GRIK2: variants seen among roughly 807,000 people sequenced by gnomAD.
GRIK2 encodes glutamate receptor ionotropic, kainate 2.
A neutral mutation model predicts 100.3 loss-of-function variants in GRIK2; 32 were observed. The observed-to-expected ratio is 0.32, with a 90% CI of 0.24 to 0.43. The LOEUF (loss-of-function observed/expected upper bound fraction) is 0.43. GRIK2 is among the 20% of genes least tolerant of loss of function. The pLI, the probability that GRIK2 is intolerant of heterozygous loss-of-function variation, is 1.00. For missense variants in GRIK2, 843 were observed against 1,114.9 expected, an observed-to-expected ratio of 0.76 and a Z score of 3.47; for synonymous variants, 417 against 389.4, an observed-to-expected ratio of 1.07 and a Z score of -0.83.
At chr6:101,605,659 C>T (rs1779408752) in intron 2 of GRIK2, among the ~76,000 whole-genome samples, 1 of 152,002 alleles carries the variant, frequency 6.6e-6, no homozygotes, top group South Asian at 2.1e-4. Context: ...GCCTAGGTGA[C>T]AAGAGTAAAA....
rs917724001 is a variant in GRIK2 at position 101,399,115 on chromosome 6, G to C, written c.-163G>C. 3.5e-6 allele frequency: 2 copies of C among 565,416 alleles called. No individual in the cohort carries two copies. Among genetic ancestry groups the C allele is most frequent in the African/African-American group, 1.9e-5 (1 of 53,048 alleles). 35.0% of individuals were successfully genotyped at this position (565,416 alleles called of 1,614,324 possible). ...GCGCAGTGAGTGAAGAACATGCAGC[G>C]ATTGCTAATGGGTTTGGGAAGCGGA... On this transcript the variant is annotated 5_prime_UTR_variant, in exon 2 of 17. Transcript: ENST00000369134.
intron 14 of GRIK2, among the ~76,000 whole-genome samples, chr6:101,966,119 T>C (rs1328305044): frequency 6.6e-6 from 1 of 152,142 alleles, no homozygotes; most frequent in Non-Finnish European, 1.5e-5. Context: ...GTATTCTTTG[T>C]CTACCGTCAT....
At chr6:101,970,700 G>C (rs1792992311) in intron 14 of GRIK2, among the ~76,000 whole-genome samples, 1 of 144,246 alleles carries the variant, frequency 6.9e-6, no homozygotes, top group Non-Finnish European at 1.5e-5. Flanking sequence ...ATTTACAGAT[G>C]TGAACATCTG....
intron 14 of GRIK2, among the ~76,000 whole-genome samples, chr6:101,957,898 T>C (rs1052830852): frequency 6.6e-6 from 1 of 152,092 alleles, no homozygotes; most frequent in Non-Finnish European, 1.5e-5. Context: ...TGTCTCTATT[T>C]ATACCAGCAC....
chr6:101,527,710 A>G (rs1156555593), intron 2 of GRIK2, among the ~76,000 whole-genome samples: 2 of 152,126 alleles, frequency 1.3e-5, no homozygotes, highest in African/African-American at 4.8e-5. Context: ...TGGTCATCTT[A>G]AGAGCTTGTT....
At chr6:101,501,315 C>T (rs150066799) in intron 2 of GRIK2, among the ~76,000 whole-genome samples, 256 of 152,182 alleles carry the variant, frequency 1.7e-3, no homozygotes, top group Admixed American at 3.8e-3. Context: ...AGGACTGAAA[C>T]CAGTTTCATT....
chr6:101,883,726 C>T (rs545736352), intron 11 of GRIK2, among the ~76,000 whole-genome samples: 16 of 152,050 alleles, frequency 1.1e-4, no homozygotes, highest in South Asian at 2.1e-4. Context: ...TATAAAGGGA[C>T]GAGCTTTCCA....
intron 2 of GRIK2, among the ~76,000 whole-genome samples, chr6:101,549,587 AT>A (rs550557307): frequency 2.0e-5 from 3 of 152,038 alleles, no homozygotes; most frequent in East Asian, 1.9e-4. Flanking sequence ...TAATGCAGCA[AT>A]TTTTTTCTTT....
chr6:101,652,419 C>T (rs1427168303), intron 4 of GRIK2, among the ~76,000 whole-genome samples: 1 of 152,108 alleles, frequency 6.6e-6, no homozygotes, highest in East Asian at 1.9e-4. Context: ...TGACTTCAAA[C>T]TTTCAGCCTC....
Position 101,850,417 on chromosome 6 carries a change from T to G in GRIK2, c.1318-8870T>G, listed in dbSNP as rs1784067585. Among the ~76,000 whole-genome samples, 6 of 151,966 alleles carry G rather than the reference T, an allele frequency of 3.9e-5. No individual in the cohort carries two copies. The South Asian group carries it at 1.2e-3, about 31-fold the overall frequency. ...AGGGGATATTTTATACATATCACAT[T>G]AAAATTAATTTACATTTTAATGTCC... On this transcript the variant is annotated intron_variant, in intron 10 of 16. Coordinates refer to ENST00000369134, the MANE Select transcript of GRIK2 (RefSeq NM_021956.5).
rs1328494811 is a variant in GRIK2, at chr6:102,068,731, A to T, written c.*220A>T. On this transcript the variant is annotated 3_prime_UTR_variant, in exon 17 of 17. Coordinates refer to ENST00000369134, the MANE Select transcript of GRIK2 (RefSeq NM_021956.5). ...CAAGTTACACGGGGTTACACTGTTA[A>T]TCATGGGTTCCTCCCTTCTTCTGAG... 1 of 414,394 alleles carries T rather than the reference A, an allele frequency of 2.4e-6. No homozygotes were observed. The highest frequency in any genetic ancestry group is 4.3e-6 in the Non-Finnish European group (1 of 230,016). The allele number at this position is 414,394 out of a possible 1,614,324, so 25.7% of individuals were successfully genotyped here. A position where few individuals can be genotyped will look rare whatever the true frequency, so the allele number is the denominator to read the frequency against.
At chr6:101,540,043 C>T (rs1775908286) in intron 2 of GRIK2, among the ~76,000 whole-genome samples, 1 of 151,602 alleles carries the variant, frequency 6.6e-6, no homozygotes, top group Non-Finnish European at 1.5e-5. Flanking sequence ...TTCTTGGCAG[C>T]TTGCCATGAA....
intron 7 of GRIK2, among the ~76,000 whole-genome samples, chr6:101,769,495 G>A (rs1562371613): frequency 6.6e-6 from 1 of 152,136 alleles, no homozygotes; most frequent in Non-Finnish European, 1.5e-5. Context: ...GCCCTTTGCT[G>A]AGCTTCATTG....
At chr6:101,455,681 T>TAA (rs766748313) in intron 2 of GRIK2, among the ~76,000 whole-genome samples, 54 of 152,100 alleles carry the variant, frequency 3.6e-4, no homozygotes, top group Non-Finnish European at 4.7e-4. Flanking sequence ...TTTACTTGGG[T>TAA]AATATAGGTA....
intron 14 of GRIK2, among the ~76,000 whole-genome samples, chr6:101,998,669 A>G (rs891356804): frequency 6.6e-6 from 1 of 152,080 alleles, no homozygotes; most frequent in African/African-American, 2.4e-5. Context: ...GGTATAGATG[A>G]AAGTTTTTGC....
At chr6:101,686,456 G>T in intron 7 of GRIK2, 103 bp downstream of exon 7, 1 of 821,648 alleles carries the variant, frequency 1.2e-6, no homozygotes, top group Non-Finnish European at 1.9e-6. Context: ...CAGTTTAATT[G>T]TTTGACATTA....
intron 7 of GRIK2, among the ~76,000 whole-genome samples, chr6:101,773,306 C>T (rs141885052): frequency 0.016 from 2,391 of 151,928 alleles, 32 homozygotes; most frequent in South Asian, 0.039. Flanking sequence ...TGGTGAAACC[C>T]CATCTCTACT....
At chr6:102,051,289 C>CTTCCTTCCTTCCTTCA in intron 15 of GRIK2, among the ~76,000 whole-genome samples, 1 of 150,592 alleles carries the variant, frequency 6.6e-6, no homozygotes, top group African/African-American at 2.4e-5. Context: ...TCCTTCCTTC[C>CTTCCTTCCTTCCTTCA]TTCCTTCCTT....
At chr6:101,446,084 C>G (rs1450932597) in intron 2 of GRIK2, among the ~76,000 whole-genome samples, 1 of 151,932 alleles carries the variant, frequency 6.6e-6, no homozygotes, top group Non-Finnish European at 1.5e-5. Context: ...TTACCTCTAT[C>G]CACTCAGCAC....
Sources: allele counts gnomAD v4.1 joint callset (sites outside exome capture counted in the v4.1 genomes callset), GRCh38; gene constraint gnomAD v4.1.1; transcripts MANE v1.5; gene names NCBI Gene and HGNC (gene_info 2026-07-23, HGNC 2026-07-21).